GABRR2: variants seen among roughly 807,000 people sequenced by gnomAD.
The protein encoded by GABRR2 is gamma-aminobutyric acid receptor subunit rho-2.
Under a neutral mutation model 47.0 loss-of-function variants are expected in GABRR2, and 36 were observed. That is an observed-to-expected ratio of 0.77 (90% CI 0.59 to 1.01). The LOEUF (loss-of-function observed/expected upper bound fraction) is 1.01. Ranked by LOEUF, GABRR2 falls within the 50% of genes least tolerant of loss-of-function variation. The pLI is 0.00. For synonymous variants in GABRR2, 204 were observed against 227.5 expected, an observed-to-expected ratio of 0.90 and a Z score of 0.93; for missense variants, 587 against 594.6, an observed-to-expected ratio of 0.99 and a Z score of 0.13.
At chr6:89,287,762 C>T (rs189941067) in intron 2 of GABRR2, among the ~76,000 whole-genome samples, 1 of 152,332 alleles carries the variant, frequency 6.6e-6, no homozygotes, top group East Asian at 1.9e-4. Context: ...CTCCAGAGCC[C>T]TGTGCTTAGT....
chr6:89,284,077 A>G (rs1264511369), intron 2 of GABRR2, among the ~76,000 whole-genome samples: 2 of 152,112 alleles, frequency 1.3e-5, no homozygotes, highest in African/African-American at 4.8e-5. Flanking sequence ...AGAGGGTCAC[A>G]TGCTGTATGA....
At chr6:89,303,166 A>G (rs1314645549) in intron 1 of GABRR2, 9 of 415,432 alleles carry the variant, frequency 2.2e-5, no homozygotes, top group Non-Finnish European at 3.8e-5. Flanking sequence ...CAAGGCCAGC[A>G]GTGTCTGACC....
rs188158440 is a variant in GABRR2, at chr6:89,272,335, G to A, written c.221-613C>T. The stretch of plus-strand genomic sequence containing the variant: ...TTAGAAGTATGAGAAAACCCAGCAC[G>A]GAAACTAGCACTGAACTTCATCTGG... On this transcript the variant is annotated intron_variant, in intron 2 of 8. Transcript: ENST00000402938. Among the ~76,000 whole-genome samples, 91 of 152,334 alleles carry A rather than the reference G, an allele frequency of 6.0e-4. 1 individual carries two copies. The highest frequency in any genetic ancestry group is 2.2e-3 in the Admixed American group (34 of 15,298).
intron 8 of GABRR2, 40 bp from the exon 9 acceptor site, chr6:89,258,021 G>A (rs759833216): frequency 1.9e-6 from 3 of 1,565,990 alleles, no homozygotes; most frequent in South Asian, 2.4e-5. Context: ...TAAGCCTTGT[G>A]AGGTGGGCAG....
intron 4 of GABRR2, 50 bp from the exon 5 acceptor site, chr6:89,268,146 C>T (rs768637112): frequency 7.2e-7 from 1 of 1,380,088 alleles, no homozygotes; most frequent in Non-Finnish European, 1.0e-6. Context: ...TTATTGGCTC[C>T]TACATCTGCC....
chr6:89,283,097 A>G (rs1286936351), intron 2 of GABRR2, among the ~76,000 whole-genome samples: 1 of 152,034 alleles, frequency 6.6e-6, no homozygotes, highest in Non-Finnish European at 1.5e-5. Context: ...TTCTCTAATT[A>G]CCAATGAGTC....
At chr6:89,293,616 T>C (rs919144753) in intron 2 of GABRR2, among the ~76,000 whole-genome samples, 1 of 151,982 alleles carries the variant, frequency 6.6e-6, no homozygotes, top group Non-Finnish European at 1.5e-5. Flanking sequence ...CGAAAACCTG[T>C]CTCTACACAA....
At chr6:89,292,742 AATCGTATAT>A (rs1194901007) in intron 2 of GABRR2, among the ~76,000 whole-genome samples, 2 of 98,262 alleles carry the variant, frequency 2.0e-5, no homozygotes, top group South Asian at 3.5e-4. Flanking sequence ...TATCATATAT[AATCGTATAT>A]ATCGTATATA....
intron 2 of GABRR2, 56 bp from the exon 3 acceptor site, chr6:89,271,778 G>A: frequency 6.7e-7 from 1 of 1,494,488 alleles, no homozygotes; most frequent in Non-Finnish European, 9.2e-7. Context: ...CTTTGGGCTG[G>A]GAACAGCCCC....
At chr6:89,293,507 G>A (rs1267587441) in intron 2 of GABRR2, among the ~76,000 whole-genome samples, 1 of 152,040 alleles carries the variant, frequency 6.6e-6, no homozygotes, top group African/African-American at 2.4e-5. Flanking sequence ...AGAAAATCAG[G>A]GCTGGGCACA....
chr6:89,298,798 G>A (rs1348499378), intron 2 of GABRR2, among the ~76,000 whole-genome samples: 1 of 152,200 alleles, frequency 6.6e-6, no homozygotes, highest in Non-Finnish European at 1.5e-5. Context: ...GCAATGGGAT[G>A]GTACTAGGAA....
chr6:89,279,519 T>G (rs748529748), intron 2 of GABRR2, among the ~76,000 whole-genome samples: 2 of 152,032 alleles, frequency 1.3e-5, no homozygotes, highest in Non-Finnish European at 2.9e-5. Flanking sequence ...TTTTGGTTTA[T>G]TTTTAGAGAT....
chr6:89,267,806 A>T lies in GABRR2; in HGVS notation c.609T>A (p.Asp203Glu), dbSNP rs189497577. 6.2e-7 allele frequency: 1 copy of T among 1,613,312 alleles called. No individual in the cohort carries two copies. The highest frequency in any genetic ancestry group is 8.5e-7 in the Non-Finnish European group (1 of 1,179,714). The change falls in exon 6 of 9, where the codon GAT becomes GAA. Residue 203 changes from aspartate (D) to glutamate (E), a missense_variant. Physicochemically the swap from Asp to Glu is conservative, Grantham distance 45. Transcript: ENST00000402938. ...SLELESYAYTDEDLMLYWKNG... is the reference protein window; with the variant it reads ...SLELESYAYTEEDLMLYWKNG... ...TCTTCCAGTACAGCATTAGATCTTCATCTGTATAGGCATCTTTGGGAAGAG... is the reference window on the plus strand; with the variant it reads ...TCTTCCAGTACAGCATTAGATCTTCTTCTGTATAGGCATCTTTGGGAAGAG...
chr6:89,294,227 C>G (rs1774518466), intron 2 of GABRR2, among the ~76,000 whole-genome samples: 1 of 152,190 alleles, frequency 6.6e-6, no homozygotes, highest in Non-Finnish European at 1.5e-5. Flanking sequence ...TCACTGCAAC[C>G]TCTGCCTCCT....
chr6:89,311,433 C>T (rs1280586869), intron 1 of GABRR2, among the ~76,000 whole-genome samples: 1 of 152,160 alleles, frequency 6.6e-6, no homozygotes, highest in Non-Finnish European at 1.5e-5. Context: ...GATCCTGAGC[C>T]TTGGGCTATT....
chr6:89,303,892 G>A (rs977099717), intron 1 of GABRR2, among the ~76,000 whole-genome samples: 10 of 152,162 alleles, frequency 6.6e-5, no homozygotes, highest in African/African-American at 1.4e-4. Flanking sequence ...TATGAGAACC[G>A]GCTAGCCATA....
At chr6:89,281,561 GTT>G in intron 2 of GABRR2, among the ~76,000 whole-genome samples, 1 of 151,438 alleles carries the variant, frequency 6.6e-6, no homozygotes, top group Non-Finnish European at 1.5e-5. Flanking sequence ...AGATGTGCAC[GTT>G]TTTTTTTAAA....
At chr6:89,278,973 C>T (rs1774213380) in intron 2 of GABRR2, among the ~76,000 whole-genome samples, 1 of 152,236 alleles carries the variant, frequency 6.6e-6, no homozygotes, top group Non-Finnish European at 1.5e-5. Context: ...CTGGCTTCCC[C>T]AGCCAGCTCT....
At chr6:89,265,887 C>A (rs979695465) in intron 6 of GABRR2, 122 bp from the exon 7 acceptor site, 2 of 919,424 alleles carry the variant, frequency 2.2e-6, no homozygotes, top group Non-Finnish European at 1.7e-6. Context: ...AAATTAATGA[C>A]CAGTTGGCTT....
Sources: gnomAD v4.1 joint callset for allele counts (sites outside exome capture counted in the v4.1 genomes callset) on GRCh38, gnomAD v4.1.1 for gene constraint, MANE v1.5 for transcripts, NCBI Gene and HGNC (gene_info 2026-07-23, HGNC 2026-07-21) for gene names.